HTR4: variants seen among roughly 807,000 people sequenced by gnomAD.
HTR4 encodes 5-hydroxytryptamine receptor 4, also known as 5-hydroxytryptamine (serotonin) receptor 4, G protein-coupled.
In HTR4, 16 loss-of-function variants were observed where a neutral mutation model predicts 36.8. The ratio of observed to expected loss-of-function variants is 0.43; its 90% confidence interval spans 0.29 to 0.66. The LOEUF (loss-of-function observed/expected upper bound fraction) is 0.66. Ranked by LOEUF, HTR4 falls within the 30% of genes least tolerant of loss-of-function variation. HTR4 has a pLI of 0.13. For synonymous variants in HTR4, 189 were observed against 185.1 expected, an observed-to-expected ratio of 1.02 and a Z score of -0.17; for missense variants, 438 against 490.9, an observed-to-expected ratio of 0.89 and a Z score of 1.02.
chr5:148,633,123 G>A (rs1395209116), intron 2 of HTR4, among the ~76,000 whole-genome samples: 1 of 152,144 alleles, frequency 6.6e-6, no homozygotes, highest in African/African-American at 2.4e-5. Flanking sequence ...TGACTGCTAA[G>A]TTGGCTGACA....
chr5:148,647,985 A>T (rs574029108), intron 1 of HTR4, among the ~76,000 whole-genome samples: 5 of 152,306 alleles, frequency 3.3e-5, no homozygotes, highest in African/African-American at 1.2e-4. Context: ...TCAGCATAAA[A>T]ATAAGAATAA....
At chr5:148,580,905 T>C (rs1183659551) in intron 2 of HTR4, among the ~76,000 whole-genome samples, 1 of 152,084 alleles carries the variant, frequency 6.6e-6, no homozygotes, top group Non-Finnish European at 1.5e-5. Context: ...TGCTAGATCA[T>C]GTGGTAATTC....
chr5:148,488,902 T>C (rs114144414), intron 6 of HTR4, among the ~76,000 whole-genome samples: 1,883 of 152,316 alleles, frequency 0.012, 20 homozygotes, highest in Middle Eastern at 0.048. Context: ...AAATCAGGTG[T>C]GGCTGATTCT....
At chr5:148,609,578 A>AG (rs891044981) in intron 2 of HTR4, among the ~76,000 whole-genome samples, 4 of 135,974 alleles carry the variant, frequency 2.9e-5, no homozygotes, top group Admixed American at 7.2e-5. Context: ...GGAATTTTTA[A>AG]GGGTTTTTTT....
chr5:148,643,106 C>T (rs181737444), intron 1 of HTR4, among the ~76,000 whole-genome samples: 13 of 152,134 alleles, frequency 8.5e-5, no homozygotes, highest in East Asian at 3.9e-4. Flanking sequence ...ATATCCAATA[C>T]GGACGCCAAT....
chr5:148,483,366 C>T, intron 6 of HTR4, 73 bp from the exon 7 acceptor site: 3 of 1,357,222 alleles, frequency 2.2e-6, no homozygotes, highest in Admixed American at 2.0e-5. Flanking sequence ...AAAGAGCCCA[C>T]CTGCATGGCA....
intron 2 of HTR4, among the ~76,000 whole-genome samples, chr5:148,624,383 C>G: frequency 6.6e-6 from 1 of 152,034 alleles, no homozygotes; most frequent in Non-Finnish European, 1.5e-5. Context: ...ATAAGAGCAC[C>G]CCTTCATAGA....
chr5:148,509,786 T>A lies in HTR4; in HGVS notation c.746A>T (p.His249Leu), dbSNP rs1177335637. 1 of 1,613,932 alleles carries A rather than the reference T, an allele frequency of 6.2e-7. No homozygotes were observed. Among genetic ancestry groups the A allele is most frequent in the South Asian group, 1.1e-5 (1 of 91,078 alleles). ...TGCTTTGGTCTCTGTCCTCATGCGA[T>A]GAGTGCTATGCTGGTCTGCCGACTG... ...RPQSADQHSTHRMRTETKAAK... is the reference protein window; with the variant it reads ...RPQSADQHSTLRMRTETKAAK... Residue 249 changes from histidine (H) to leucine (L), a missense_variant, in exon 6 of 7, where the codon CAT (histidine) becomes CTT (leucine). Physicochemically the swap from His to Leu is moderately conservative, Grantham distance 99 (BLOSUM62 -3). Transcript: ENST00000377888.
intron 1 of HTR4, among the ~76,000 whole-genome samples, chr5:148,640,518 G>T (rs1052917806): frequency 5.3e-5 from 8 of 152,186 alleles, no homozygotes; most frequent in East Asian, 1.9e-4. Context: ...GGAGGAGCTT[G>T]TCTGAGAAGA....
intron 6 of HTR4, among the ~76,000 whole-genome samples, chr5:148,484,105 G>A (rs1291519181): frequency 2.0e-5 from 3 of 151,996 alleles, no homozygotes; most frequent in East Asian, 3.9e-4. Context: ...TGATTATTTA[G>A]CACCCACTCA....
intron 1 of HTR4, among the ~76,000 whole-genome samples, chr5:148,653,650 A>T (rs1754104277): frequency 6.6e-6 from 1 of 151,698 alleles, no homozygotes. Context: ...TGGGCTGCAC[A>T]TCAAGGACCA....
At chr5:148,600,057 GA>G (rs1405704781) in intron 2 of HTR4, among the ~76,000 whole-genome samples, 5 of 151,180 alleles carry the variant, frequency 3.3e-5, no homozygotes, top group Admixed American at 2.6e-4. Context: ...AATATGGTGG[GA>G]AGGCTTATAA....
At chr5:148,522,082 T>C (rs1486920042) in intron 5 of HTR4, among the ~76,000 whole-genome samples, 1 of 152,116 alleles carries the variant, frequency 6.6e-6, no homozygotes, top group Non-Finnish European at 1.5e-5. Context: ...TGAGATCTGA[T>C]GGTTTTATAA....
At chr5:148,649,055 A>T (rs1354466714) in intron 1 of HTR4, among the ~76,000 whole-genome samples, 2 of 152,216 alleles carry the variant, frequency 1.3e-5, no homozygotes. Context: ...CTAATACAAA[A>T]GTTTTCTTAA....
At chr5:148,643,356 G>A (rs1753783706) in intron 1 of HTR4, among the ~76,000 whole-genome samples, 1 of 152,082 alleles carries the variant, frequency 6.6e-6, no homozygotes, top group Non-Finnish European at 1.5e-5. Flanking sequence ...GAAAAATAAA[G>A]GGGTAACATA....
rs1758740051 is a variant in HTR4, at chr5:148,534,918, G to C, written c.354-11572C>G. On this transcript the variant is annotated intron_variant, in intron 4 of 6. Transcript: ENST00000377888. ...ATACTGAGATTGCCCCAGAGCTACA[G>C]TCAGCAGCCCAGGAGTTCCAAGCCA... Among the ~76,000 whole-genome samples the C allele has an allele frequency of 2.6e-5, 4 of 152,088 alleles. No individual in the cohort carries two copies. In the South Asian group the frequency reaches 8.3e-4, roughly 32 times the overall value.
chr5:148,511,189 C>A (rs1450495514), intron 5 of HTR4, among the ~76,000 whole-genome samples: 1 of 152,046 alleles, frequency 6.6e-6, no homozygotes, highest in African/African-American at 2.4e-5. Flanking sequence ...TTTTATTGAA[C>A]CAAAATACGT....
intron 4 of HTR4, among the ~76,000 whole-genome samples, chr5:148,524,069 T>C (rs1008079501): frequency 2.0e-5 from 3 of 151,994 alleles, no homozygotes; most frequent in African/African-American, 7.3e-5. Context: ...CAAACTCACC[T>C]GAGGAAGCCT....
At chr5:148,526,997 T>C (rs1398896663) in intron 4 of HTR4, among the ~76,000 whole-genome samples, 1 of 152,168 alleles carries the variant, frequency 6.6e-6, no homozygotes, top group Non-Finnish European at 1.5e-5. Flanking sequence ...AATCACTTAT[T>C]GTATCTTTCA....
Sources: allele counts gnomAD v4.1 joint callset (sites outside exome capture counted in the v4.1 genomes callset), GRCh38; gene constraint gnomAD v4.1.1; transcripts MANE v1.5; gene names NCBI Gene and HGNC (gene_info 2026-07-23, HGNC 2026-07-21).